EYS: variants seen among roughly 807,000 people sequenced by gnomAD.
The protein encoded by EYS is EGF-like photoreceptor maintenance factor.
A neutral mutation model predicts 282.1 loss-of-function variants in EYS; 250 were observed. The observed-to-expected ratio is 0.89, with a 90% CI of 0.80 to 0.98. The LOEUF (loss-of-function observed/expected upper bound fraction) is 0.98, where lower values mean the gene tolerates loss of function less well. Ranked by LOEUF, EYS falls within the 50% of genes least tolerant of loss-of-function variation. The pLI is 0.00. For synonymous variants in EYS, 1,355 were observed against 1,282.9 expected, an observed-to-expected ratio of 1.06 and a Z score of -1.20; for missense variants, 4,016 against 3,709.0, an observed-to-expected ratio of 1.08 and a Z score of -2.15.
chr6:64,672,177 C>T (rs928785561), intron 22 of EYS, among the ~76,000 whole-genome samples: 1 of 152,180 alleles, frequency 6.6e-6, no homozygotes, highest in Non-Finnish European at 1.5e-5. Context: ...TCCCTTTTAA[C>T]TGATGCCCTA....
At chr6:64,757,787 TTTTG>T (rs1272793821) in intron 22 of EYS, among the ~76,000 whole-genome samples, 117 of 146,520 alleles carry the variant, frequency 8.0e-4, no homozygotes, top group African/African-American at 2.9e-3. Context: ...TGTGTGTGTG[TTTTG>T]TTTGTTTGTT....
chr6:64,450,393 C>T (rs932356255), intron 26 of EYS, among the ~76,000 whole-genome samples: 3 of 152,014 alleles, frequency 2.0e-5, no homozygotes, highest in Non-Finnish European at 4.4e-5. Context: ...ACTTAGACTC[C>T]CACACAATAA....
chr6:64,924,832 C>A (rs1490678542), intron 15 of EYS, among the ~76,000 whole-genome samples: 4 of 152,150 alleles, frequency 2.6e-5, no homozygotes, highest in African/African-American at 9.7e-5. Flanking sequence ...CCTTATTGTC[C>A]ATATCACTAT....
chr6:65,103,983 A>G (rs116370639), intron 12 of EYS, among the ~76,000 whole-genome samples: 3,258 of 151,426 alleles, frequency 0.022, 80 homozygotes, highest in African/African-American at 0.06. Context: ...AGAAATTTTA[A>G]GTATCAGTTT....
At chr6:64,906,315 T>A (rs1156285386) in intron 16 of EYS, among the ~76,000 whole-genome samples, 1 of 152,042 alleles carries the variant, frequency 6.6e-6, no homozygotes, top group Non-Finnish European at 1.5e-5. Context: ...AAGTAATAAA[T>A]ATTTAACATG....
intron 33 of EYS, among the ~76,000 whole-genome samples, chr6:64,026,779 G>A (rs1769536221): frequency 6.6e-6 from 1 of 152,058 alleles, no homozygotes; most frequent in Non-Finnish European, 1.5e-5. Context: ...AATCTCCAAA[G>A]TACCACAAAA....
At chr6:64,297,216 T>C (rs1455739370) in intron 30 of EYS, among the ~76,000 whole-genome samples, 1 of 127,906 alleles carries the variant, frequency 7.8e-6, no homozygotes, top group African/African-American at 3.0e-5. Context: ...GTGAACTAGA[T>C]GGTGGTCATT....
chr6:65,268,223 C>A (rs1296196297), intron 12 of EYS, among the ~76,000 whole-genome samples: 1 of 151,972 alleles, frequency 6.6e-6, no homozygotes, highest in Middle Eastern at 3.2e-3. Context: ...GATTACAAAT[C>A]TATCATTAAA....
In EYS at chr6:64,125,165, TCTCTCTCTCTCG is replaced by T. The variant is rs939525254; in HGVS notation, c.6425-43175_6425-43164del. On this transcript the variant is annotated intron_variant, in intron 31 of 42. Transcript: ENST00000503581. Reference sequence around the variant, plus strand: ...CACACACACTCTCTGTCTCTCTCTCTCTCTCTCTCTCGCTCTCTCTCTCTCTCAAGGAGTAAT... The same window carrying T: ...CACACACACTCTCTGTCTCTCTCTCTCTCTCTCTCTCTCTCAAGGAGTAAT... Among the ~76,000 whole-genome samples, 150 of 151,362 alleles carry T rather than the reference TCTCTCTCTCTCG, an allele frequency of 9.9e-4. 2 individuals are homozygous for T. The East Asian group carries it at 0.027, about 27-fold the overall frequency.
chr6:63,914,699 C>T (rs1414120952), intron 35 of EYS, among the ~76,000 whole-genome samples: 1 of 144,248 alleles, frequency 6.9e-6, no homozygotes, highest in African/African-American at 2.6e-5. Context: ...CAGAGCAAGA[C>T]CCTGTCTCAA....
intron 26 of EYS, among the ~76,000 whole-genome samples, chr6:64,461,759 T>C (rs1775758383): frequency 6.6e-6 from 1 of 152,162 alleles, no homozygotes; most frequent in Admixed American, 6.6e-5. Flanking sequence ...ACTTTATAGT[T>C]GTGTAAATTT....
At chr6:64,917,022 G>A (rs1304124591) in intron 15 of EYS, among the ~76,000 whole-genome samples, 1 of 152,278 alleles carries the variant, frequency 6.6e-6, no homozygotes, top group East Asian at 1.9e-4. Context: ...AGTCCGAGGC[G>A]GGTGGATCAC....
chr6:64,574,433 A>G (rs576393145), intron 26 of EYS, among the ~76,000 whole-genome samples: 1 of 152,286 alleles, frequency 6.6e-6, no homozygotes, highest in South Asian at 2.1e-4. Flanking sequence ...ACAAAAATCA[A>G]TTAGTTAAAA....
intron 30 of EYS, among the ~76,000 whole-genome samples, chr6:64,245,177 C>A (rs1766972536): frequency 6.6e-6 from 1 of 152,028 alleles, no homozygotes; most frequent in Non-Finnish European, 1.5e-5. Flanking sequence ...CAATGATAGA[C>A]TGGATTAAGA....
chr6:63,962,131 T>G lies in EYS; in HGVS notation c.7055+22252A>C, dbSNP rs1280784310. Among the ~76,000 whole-genome samples, 3 of 152,150 alleles carry G rather than the reference T, an allele frequency of 2.0e-5. No homozygotes were observed. In the East Asian group the frequency reaches 5.8e-4, roughly 29 times the overall value. ...ACTCAAGATGGATTAAAGACTTAGA[T>G]GTTAGACCAAAAACCATAAAAACCC... On this transcript the variant is annotated intron_variant, in intron 35 of 42. Transcript: ENST00000503581.
intron 41 of EYS, among the ~76,000 whole-genome samples, chr6:63,737,370 G>T (rs1454664152): frequency 2.3e-5 from 3 of 130,322 alleles, no homozygotes; most frequent in Non-Finnish European, 5.0e-5. Flanking sequence ...CTTTGGTTCT[G>T]TTTATATGCT....
At chr6:65,443,546 T>A (rs1178071789) in intron 5 of EYS, among the ~76,000 whole-genome samples, 5 of 151,174 alleles carry the variant, frequency 3.3e-5, no homozygotes, top group Admixed American at 3.3e-4. Flanking sequence ...TATGGACACA[T>A]GATACGCATA....
chr6:64,026,468 C>T (rs1298751806), intron 33 of EYS, among the ~76,000 whole-genome samples: 1 of 152,170 alleles, frequency 6.6e-6, no homozygotes, highest in Non-Finnish European at 1.5e-5. Flanking sequence ...TGTTTCTGCA[C>T]TATGACTTGG....
chr6:63,783,056 G>C (rs1024360374), intron 39 of EYS, among the ~76,000 whole-genome samples: 1 of 151,358 alleles, frequency 6.6e-6, no homozygotes, highest in Non-Finnish European at 1.5e-5. Flanking sequence ...AAAAAAAGGA[G>C]AGAGAAAAAA....
Sources: allele counts gnomAD v4.1 joint callset (sites outside exome capture counted in the v4.1 genomes callset), GRCh38; gene constraint gnomAD v4.1.1; transcripts MANE v1.5; gene names NCBI Gene and HGNC (gene_info 2026-07-23, HGNC 2026-07-21).